ZDHHC17: variants seen among roughly 807,000 people sequenced by gnomAD.
ZDHHC17 encodes zDHHC palmitoyltransferase 17.
In ZDHHC17, 40 loss-of-function variants were observed where a neutral mutation model predicts 90.3. The observed-to-expected ratio is 0.44, with a 90% CI of 0.34 to 0.58. The LOEUF (loss-of-function observed/expected upper bound fraction) is 0.58, where lower values mean the gene tolerates loss of function less well. Among genes scored for constraint, ZDHHC17 ranks in the 20% least tolerant of loss-of-function variants. The pLI, the probability that ZDHHC17 is intolerant of heterozygous loss-of-function variation, is 0.01. For synonymous variants in ZDHHC17, 235 were observed against 252.4 expected, an observed-to-expected ratio of 0.93 and a Z score of 0.65; for missense variants, 614 against 780.8, an observed-to-expected ratio of 0.79 and a Z score of 2.55.
chr12:76,852,336 C>T lies in ZDHHC17; in HGVS notation c.*1351C>T, dbSNP rs917174708. 6.6e-6 allele frequency: 1 copy of T among 152,604 alleles called. No homozygotes were observed. Among genetic ancestry groups the T allele is most frequent in the East Asian group, 1.9e-4 (1 of 5,198 alleles). 9.5% of individuals were successfully genotyped at this position (152,604 alleles called of 1,614,324 possible). On this transcript the variant is annotated 3_prime_UTR_variant, in exon 17 of 17. Transcript: ENST00000426126. ...GGGGGAATGGTGGTCAGACTGATGA[C>T]AGATCCTAGACCAATGTAAAGAATG...
chr12:76,847,097 G>A (rs1953503859), intron 14 of ZDHHC17, among the ~76,000 whole-genome samples: 2 of 152,220 alleles, frequency 1.3e-5, no homozygotes, highest in Non-Finnish European at 2.9e-5. Context: ...ATTTTGAAAA[G>A]TAAGGTATAA....
intron 2 of ZDHHC17, among the ~76,000 whole-genome samples, chr12:76,802,488 A>G (rs1002476623): frequency 6.6e-6 from 1 of 152,088 alleles, no homozygotes; most frequent in African/African-American, 2.4e-5. Flanking sequence ...GGAAGTTTTC[A>G]GCTATTATTT....
At chr12:76,828,620 A>G (rs1326297280) in intron 10 of ZDHHC17, 130 bp downstream of exon 10, 2 of 718,070 alleles carry the variant, frequency 2.8e-6, no homozygotes, top group Admixed American at 6.0e-5. Context: ...TAGAAAATTT[A>G]GTAAACTAAT....
rs1472131711 is a variant in ZDHHC17 at position 76,764,208 on chromosome 12, C to T, written c.-29C>T. The T allele has an allele frequency of 3.2e-6, 5 of 1,546,176 alleles. No homozygotes were observed. Among genetic ancestry groups the T allele is most frequent in the African/African-American group, 1.4e-5 (1 of 72,486 alleles). ...CGCTCGCCCTCCGCCTCGCCCGAGC[C>T]CCGGGAGGGTGAAACGCTTTCTCCC... On this transcript the variant is annotated 5_prime_UTR_variant, in exon 1 of 17. Coordinates refer to ENST00000426126, the MANE Select transcript of ZDHHC17 (RefSeq NM_015336.4).
At chr12:76,829,139 G>A (rs1297423883) in intron 10 of ZDHHC17, among the ~76,000 whole-genome samples, 1 of 152,124 alleles carries the variant, frequency 6.6e-6, no homozygotes, top group Non-Finnish European at 1.5e-5. Flanking sequence ...ATGGAAAACA[G>A]TATGGCGATT....
intron 7 of ZDHHC17, among the ~76,000 whole-genome samples, chr12:76,818,282 C>T (rs752450415): frequency 7.9e-5 from 12 of 152,042 alleles, no homozygotes; most frequent in Non-Finnish European, 1.6e-4. Context: ...TATCAAATGC[C>T]TTTTTTAAAA....
At position 76,764,509 on chromosome 12, in the gene ZDHHC17, G is replaced by A. The variant is rs1048391157; in HGVS notation, c.93+180G>A. ...AGCGGATAACGGGGGAGGAGATAGCGGGGCGGGCCCGACCGGGGCGGGCTC... is the reference window on the plus strand; with the variant it reads ...AGCGGATAACGGGGGAGGAGATAGCAGGGCGGGCCCGACCGGGGCGGGCTC... On this transcript the variant is annotated intron_variant, in intron 1 of 16. Coordinates refer to ENST00000426126, the MANE Select transcript of ZDHHC17 (RefSeq NM_015336.4). The A allele has an allele frequency of 4.8e-6, 3 of 621,400 alleles. No homozygotes were observed. The African/African-American group carries it at 5.5e-5, about 11-fold the overall frequency. 38.5% of individuals were successfully genotyped at this position (621,400 alleles called of 1,614,324 possible). A position where few individuals can be genotyped will look rare whatever the true frequency, so the allele number is the denominator to read the frequency against.
chr12:76,808,088 T>TA (rs1275309118), intron 3 of ZDHHC17, among the ~76,000 whole-genome samples: 1 of 152,220 alleles, frequency 6.6e-6, no homozygotes, highest in Non-Finnish European at 1.5e-5. Context: ...AACAAATACT[T>TA]ATTTGCAGCC....
intron 5 of ZDHHC17, among the ~76,000 whole-genome samples, chr12:76,814,706 A>G (rs1455680463): frequency 1.3e-5 from 2 of 151,938 alleles, no homozygotes; most frequent in African/African-American, 4.8e-5. Context: ...AACTCTAAAA[A>G]TGTACATGTG....
chr12:76,813,963 G>T (rs774014712), intron 5 of ZDHHC17, among the ~76,000 whole-genome samples: 1 of 152,066 alleles, frequency 6.6e-6, no homozygotes, highest in East Asian at 1.9e-4. Flanking sequence ...GCCTAGAAAA[G>T]TAGATAGATA....
Position 76,797,557 on chromosome 12 carries a change from T to A in ZDHHC17, c.197+20T>A. The A allele has an allele frequency of 6.5e-7, 1 of 1,542,434 alleles. No individual in the cohort carries two copies. Among genetic ancestry groups the A allele is most frequent in the Non-Finnish European group, 8.8e-7 (1 of 1,137,518 alleles). ...TACACAGTAAGGTTTTTGTTGTAGT[T>A]GTTTTCTTTGGCATGTGTATTTCAA... On this transcript the variant is annotated intron_variant, in intron 2 of 16. Transcript: ENST00000426126.
chr12:76,815,854 C>G lies in ZDHHC17; in HGVS notation c.609-3C>G. The stretch of plus-strand genomic sequence containing the variant: ...GTTTGTTTTTTTTTTTTTTCCTTTT[C>G]AGTGTGGATCCAACTAGATTGCTTT... On this transcript the variant is annotated splice_polypyrimidine_tract_variant and splice_region_variant and intron_variant, in intron 6 of 16. Transcript: ENST00000426126. The G allele has an allele frequency of 7.5e-7, 1 of 1,329,816 alleles. No individual in the cohort carries two copies. The highest frequency in any genetic ancestry group is 9.7e-7 in the Non-Finnish European group (1 of 1,026,974). The allele number at this position is 1,329,816 out of a possible 1,614,324, so 82.4% of individuals were successfully genotyped here.
Position 76,804,562 on chromosome 12 carries a change from A to G in ZDHHC17, c.198-755A>G, listed in dbSNP as rs143654063. Among the ~76,000 whole-genome samples the G allele has an allele frequency of 7.0e-3, 1,070 of 152,364 alleles. 9 individuals carry two copies. The highest frequency in any genetic ancestry group is 0.024 in the African/African-American group (1,016 of 41,588). On this transcript the variant is annotated intron_variant, in intron 2 of 16. Transcript: ENST00000426126. Reference sequence around the variant, plus strand: ...TGGCTTATGCACCTAGTGGGTCACAATAAGTGAACAGAATGTAGAGGAGGG... The same window carrying G: ...TGGCTTATGCACCTAGTGGGTCACAGTAAGTGAACAGAATGTAGAGGAGGG...
intron 1 of ZDHHC17, among the ~76,000 whole-genome samples, chr12:76,792,055 AAT>A (rs1255465436): frequency 3.9e-5 from 6 of 152,112 alleles, no homozygotes; most frequent in Non-Finnish European, 8.8e-5. Context: ...TATAGAACTT[AAT>A]ATTCAGCACC....
At chr12:76,832,649 G>C (rs1367379813) in intron 10 of ZDHHC17, among the ~76,000 whole-genome samples, 2 of 152,150 alleles carry the variant, frequency 1.3e-5, no homozygotes, top group African/African-American at 4.8e-5. Context: ...GCTCATTCCT[G>C]AATGAAGCTT....
chr12:76,826,964 G>A lies in ZDHHC17; in HGVS notation c.954G>A (p.Gly318=). Reference sequence around the variant, plus strand: ...CTTTCCTAGTTATTTGGCTGGTTGGGTTTATAGCAGACCTAAATATTGATT... The same window carrying A: ...CTTTCCTAGTTATTTGGCTGGTTGGATTTATAGCAGACCTAAATATTGATT... ...GTPFLVIWLV[G]FIADLNIDSW... The change falls in exon 9 of 17, where the codon GGG becomes GGA. Residue 318 remains glycine, a synonymous_variant. Coordinates refer to ENST00000426126, the MANE Select transcript of ZDHHC17 (RefSeq NM_015336.4). 1 of 1,550,344 alleles carries A rather than the reference G, an allele frequency of 6.5e-7. No homozygotes were observed. Among genetic ancestry groups the A allele is most frequent in the Non-Finnish European group, 8.6e-7 (1 of 1,158,248 alleles).
At chr12:76,800,643 C>T (rs1034998288) in intron 2 of ZDHHC17, among the ~76,000 whole-genome samples, 1 of 152,102 alleles carries the variant, frequency 6.6e-6, no homozygotes, top group African/African-American at 2.4e-5. Flanking sequence ...AGTTTATTGT[C>T]TGATATTAGT....
chr12:76,769,563 C>T (rs1952469720), intron 1 of ZDHHC17, among the ~76,000 whole-genome samples: 1 of 152,068 alleles, frequency 6.6e-6, no homozygotes, highest in African/African-American at 2.4e-5. Flanking sequence ...CTTCAAAGCA[C>T]TTCTTTATGC....
At chr12:76,803,672 A>G (rs747784879) in intron 2 of ZDHHC17, among the ~76,000 whole-genome samples, 6 of 152,196 alleles carry the variant, frequency 3.9e-5, no homozygotes, top group Non-Finnish European at 8.8e-5. Context: ...ACAGATGGCC[A>G]CCAAAACCAG....
Sources: gnomAD v4.1 joint callset for allele counts (sites outside exome capture counted in the v4.1 genomes callset) on GRCh38, gnomAD v4.1.1 for gene constraint, MANE v1.5 for transcripts, NCBI Gene and HGNC (gene_info 2026-07-23, HGNC 2026-07-21) for gene names.